Variants in CFAP20DC observed in about 807,000 individuals in gnomAD.
CFAP20DC encodes the protein CFAP20 domain containing.
In CFAP20DC, 84 loss-of-function variants were observed where a neutral mutation model predicts 101.7. That is an observed-to-expected ratio of 0.83 (90% confidence interval 0.69 to 0.99). The LOEUF (loss-of-function observed/expected upper bound fraction) is 0.99. Among genes scored for constraint, CFAP20DC ranks in the 50% least tolerant of loss-of-function variants. CFAP20DC has a pLI of 0.00. For synonymous variants in CFAP20DC, 359 were observed against 351.2 expected, an observed-to-expected ratio of 1.02 and a Z score of -0.25; for missense variants, 1,007 against 970.3, an observed-to-expected ratio of 1.04 and a Z score of -0.50.
At chr3:58,891,096 T>G (rs1180665373) in intron 6 of CFAP20DC, among the ~76,000 whole-genome samples, 2 of 125,816 alleles carry the variant, frequency 1.6e-5, no homozygotes, top group Non-Finnish European at 3.4e-5. Context: ...TAGGTTGTAG[T>G]GAGCCGAGAT....
intron 4 of CFAP20DC, among the ~76,000 whole-genome samples, chr3:58,951,109 C>G (rs1424596141): frequency 2.0e-5 from 3 of 152,198 alleles, no homozygotes; most frequent in Non-Finnish European, 4.4e-5. Flanking sequence ...TATGAACAGA[C>G]ACTTCTCAAA....
intron 1 of CFAP20DC, among the ~76,000 whole-genome samples, chr3:59,047,645 A>C (rs987735006): frequency 6.6e-6 from 1 of 152,210 alleles, no homozygotes; most frequent in African/African-American, 2.4e-5. Flanking sequence ...AGGCCAATAC[A>C]TTCAGGTAGT....
rs812123 is a variant in CFAP20DC, at chr3:58,815,221, A to G, written c.2176-8765T>C. Among the ~76,000 whole-genome samples, 11 of 150,824 alleles carry G rather than the reference A, an allele frequency of 7.3e-5. No individual in the cohort carries two copies. The East Asian group carries it at 1.6e-3, about 22-fold the overall frequency. On this transcript the variant is annotated intron_variant, in intron 14 of 16. Transcript: ENST00000482387. ...TAACGCTGCATATCTACAACTATCTAATCTTTGACAAACCTGAGAAAAACA... is the reference window on the plus strand; with the variant it reads ...TAACGCTGCATATCTACAACTATCTGATCTTTGACAAACCTGAGAAAAACA...
intron 10 of CFAP20DC, 75 bp from the exon 11 acceptor site, chr3:58,866,763 A>G: frequency 1.1e-6 from 1 of 929,890 alleles, no homozygotes; most frequent in Non-Finnish European, 1.6e-6. Context: ...AGAATGGTTT[A>G]CTTTGGTATA....
At chr3:58,750,356 T>C (rs962382777) in intron 16 of CFAP20DC, among the ~76,000 whole-genome samples, 6 of 152,170 alleles carry the variant, frequency 3.9e-5, no homozygotes, top group Admixed American at 3.9e-4. Flanking sequence ...GCTCAGCACA[T>C]CACTGCACTG....
chr3:58,819,014 A>C (rs1261445654), intron 14 of CFAP20DC, among the ~76,000 whole-genome samples: 2 of 151,418 alleles, frequency 1.3e-5, no homozygotes, highest in South Asian at 2.1e-4. Flanking sequence ...ACTACGTGGA[A>C]ACTGAACAAC....
chr3:59,035,468 A>C (rs953231454), intron 4 of CFAP20DC, among the ~76,000 whole-genome samples: 1 of 152,198 alleles, frequency 6.6e-6, no homozygotes, highest in Admixed American at 6.5e-5. Context: ...AGAAGAAAAG[A>C]CAGAAGAATC....
Position 58,898,315 on chromosome 3 carries a change from C to T in CFAP20DC, c.551-13606G>A, listed in dbSNP as rs183877045. Reference sequence around the variant, plus strand: ...TTAGCCTCCCAAGTAACTGGAACTACGTAAGCGCATCAGCATGCCCGGCTA... The same window carrying T: ...TTAGCCTCCCAAGTAACTGGAACTATGTAAGCGCATCAGCATGCCCGGCTA... On this transcript the variant is annotated intron_variant, in intron 6 of 16. Coordinates refer to ENST00000482387, the MANE Select transcript of CFAP20DC (RefSeq NM_001394063.1). Among the ~76,000 whole-genome samples the T allele has an allele frequency of 9.1e-4, 139 of 152,156 alleles. 1 individual carries two copies. Among genetic ancestry groups the T allele is most frequent in the Middle Eastern group, 3.4e-3 (1 of 294 alleles).
chr3:58,735,983 TAAATC>T (rs1403030351), intron 3 of CFAP20DC, among the ~76,000 whole-genome samples: 1 of 152,120 alleles, frequency 6.6e-6, no homozygotes, highest in African/African-American at 2.4e-5. Context: ...TTTTTTAACT[TAAATC>T]AAATATCTCT....
intron 4 of CFAP20DC, among the ~76,000 whole-genome samples, chr3:58,981,928 A>C (rs1423671965): frequency 9.2e-5 from 14 of 152,186 alleles, no homozygotes; most frequent in Non-Finnish European, 1.3e-4. Flanking sequence ...GCAACCTACA[A>C]AATGGGAGAA....
At chr3:58,921,763 TC>T (rs2085401541) in intron 5 of CFAP20DC, among the ~76,000 whole-genome samples, 1 of 152,224 alleles carries the variant, frequency 6.6e-6, no homozygotes, top group Non-Finnish European at 1.5e-5. Flanking sequence ...CAAGTCTATA[TC>T]TTTAGTGATT....
At chr3:58,838,377 A>G (rs2076880614) in intron 13 of CFAP20DC, among the ~76,000 whole-genome samples, 2 of 152,188 alleles carry the variant, frequency 1.3e-5, no homozygotes, top group South Asian at 4.1e-4. Context: ...AATATCTGTC[A>G]TAAGCATTTT....
chr3:58,995,024 G>A (rs1023805098), intron 4 of CFAP20DC, among the ~76,000 whole-genome samples: 6 of 152,042 alleles, frequency 3.9e-5, no homozygotes, highest in Non-Finnish European at 7.4e-5. Context: ...ATTTTCTTTT[G>A]CATTTTCAAA....
intron 6 of CFAP20DC, among the ~76,000 whole-genome samples, chr3:58,885,298 T>C (rs1425792762): frequency 6.6e-6 from 1 of 152,086 alleles, no homozygotes; most frequent in Non-Finnish European, 1.5e-5. Context: ...TGATATTTTA[T>C]TTTAATTTCA....
At chr3:58,991,435 A>G (rs1338189553) in intron 4 of CFAP20DC, among the ~76,000 whole-genome samples, 1 of 152,236 alleles carries the variant, frequency 6.6e-6, no homozygotes. Flanking sequence ...ATATGAATGA[A>G]TCACACTCCC....
In CFAP20DC at chr3:58,863,752, C is replaced by T; in HGVS notation, c.1399G>A (p.Ala467Thr). The T allele has an allele frequency of 1.2e-6, 2 of 1,614,200 alleles. No homozygotes were observed. The highest frequency in any genetic ancestry group is 1.7e-6 in the Non-Finnish European group (2 of 1,180,044). ...ASKESEHDQQ[A>T]EESQSVPKDI... The stretch of plus-strand genomic sequence containing the variant: ...TTTGGAACACTCTGGGATTCCTCTG[C>T]CTGCTGGTCGTGTTCACTCTCTTTG... Residue 467 changes from alanine (A) to threonine (T), a missense_variant, in exon 12 of 17, where the codon GCA (alanine) becomes ACA (threonine). Physicochemically the swap from Ala to Thr is moderately conservative, Grantham distance 58. Transcript: ENST00000482387. The surrounding 1 kb of genome is among the most constrained non-coding windows in gnomAD (Gnocchi z 5.9).
At position 59,014,008 on chromosome 3, in the gene CFAP20DC, T is replaced by C. The variant is rs1269161180; in HGVS notation, c.278+25549A>G. Among the ~76,000 whole-genome samples, 1 of 152,228 alleles carries C rather than the reference T, an allele frequency of 6.6e-6. No homozygotes were observed. The highest frequency in any genetic ancestry group is 1.5e-5 in the Non-Finnish European group (1 of 68,038). ...TACTGAATTCACTGTCTTCTACTTC[T>C]TGCCACTAAACAACATATCAGCTTG... On this transcript the variant is annotated intron_variant, in intron 4 of 16. Coordinates refer to ENST00000482387, the MANE Select transcript of CFAP20DC (RefSeq NM_001394063.1). This position sits in a 1 kb window ranked among gnomAD's most constrained non-coding sequence, Gnocchi z 4.9.
intron 12 of CFAP20DC, among the ~76,000 whole-genome samples, chr3:58,850,829 T>G (rs2078164182): frequency 6.6e-6 from 1 of 152,088 alleles, no homozygotes; most frequent in Admixed American, 6.6e-5. Flanking sequence ...TTTCTAAGGG[T>G]TGGCATTTTA....
chr3:58,753,573 T>G (rs1336736379), intron 16 of CFAP20DC, 196 bp downstream of exon 16: 10 of 506,370 alleles, frequency 2.0e-5, no homozygotes, highest in Non-Finnish European at 3.5e-5. Context: ...AGAACAAGGG[T>G]AGTTTCTCTC....
Sources: gnomAD v4.1 joint callset for allele counts (sites outside exome capture counted in the v4.1 genomes callset) on GRCh38, gnomAD v4.1.1 for gene constraint, Gnocchi (gnomAD v3.1) non-coding constraint, MANE v1.5 for transcripts, NCBI Gene and HGNC (gene_info 2026-07-23, HGNC 2026-07-21) for gene names.